WDR17: variants seen among roughly 807,000 people sequenced by gnomAD.
WDR17 encodes WD repeat-containing protein 17.
Under a neutral mutation model 161.7 loss-of-function variants are expected in WDR17, and 143 were observed. The observed-to-expected ratio is 0.88, with a 90% CI of 0.77 to 1.02. WDR17 has a LOEUF of 1.02. WDR17 is among the 50% of genes least tolerant of loss of function. The probability of loss-of-function intolerance (pLI) is 0.00; values close to 1 mark genes in which losing one functional copy is unlikely to be tolerated. For synonymous variants in WDR17, 517 were observed against 515.6 expected, an observed-to-expected ratio of 1.00 and a Z score of -0.04; for missense variants, 1,469 against 1,520.9, an observed-to-expected ratio of 0.97 and a Z score of 0.57.
intron 2 of WDR17, among the ~76,000 whole-genome samples, chr4:176,112,580 C>T (rs1480024705): frequency 6.6e-6 from 1 of 152,184 alleles, no homozygotes; most frequent in East Asian, 1.9e-4. Flanking sequence ...TTTGCTTACA[C>T]TAATTTTTCA....
At chr4:176,168,549 C>A in intron 22 of WDR17, 123 bp from the exon 23 acceptor site, 2 of 1,137,826 alleles carry the variant, frequency 1.8e-6, no homozygotes, top group Non-Finnish European at 2.5e-6. Flanking sequence ...GCTATTAATA[C>A]TGTTTGTGTA....
intron 4 of WDR17, among the ~76,000 whole-genome samples, 191 bp downstream of exon 4, chr4:176,120,288 T>TA: frequency 7.3e-6 from 1 of 136,534 alleles, no homozygotes; most frequent in East Asian, 2.1e-4. Flanking sequence ...ATTTGAAGTT[T>TA]TATATATATA....
chr4:176,088,580 A>G (rs1312866546), intron 1 of WDR17, among the ~76,000 whole-genome samples: 1 of 152,220 alleles, frequency 6.6e-6, no homozygotes, highest in East Asian at 1.9e-4. Context: ...GCCTTTCAGA[A>G]CATGATAGTG....
chr4:176,100,878 A>G (rs1737713300), intron 1 of WDR17, among the ~76,000 whole-genome samples: 2 of 152,246 alleles, frequency 1.3e-5, no homozygotes, highest in South Asian at 4.1e-4. Flanking sequence ...TGGCCTTGTT[A>G]AAGATCAATT....
intron 3 of WDR17, 140 bp from the exon 4 acceptor site, chr4:176,119,727 A>G (rs9993621): frequency 0.014 from 10,652 of 778,264 alleles, 484 homozygotes; most frequent in African/African-American, 0.13. Flanking sequence ...GGATTTCTTT[A>G]TAAATCCAAT....
chr4:176,158,912 A>G (rs1293062063), intron 18 of WDR17, among the ~76,000 whole-genome samples: 3 of 152,202 alleles, frequency 2.0e-5, no homozygotes, highest in Non-Finnish European at 4.4e-5. Flanking sequence ...TCAAATGCCC[A>G]GGGAAGTAGA....
At chr4:176,157,292 G>A (rs1389430707) in intron 18 of WDR17, among the ~76,000 whole-genome samples, 1 of 151,966 alleles carries the variant, frequency 6.6e-6, no homozygotes, top group Non-Finnish European at 1.5e-5. Context: ...CAGAAATTTG[G>A]ATTTTTCTTT....
intron 12 of WDR17, among the ~76,000 whole-genome samples, chr4:176,146,619 A>G (rs1026010363): frequency 1.3e-5 from 2 of 152,142 alleles, no homozygotes; most frequent in South Asian, 4.1e-4. Context: ...ACCAAAAAAC[A>G]TGCATTGGGA....
intron 1 of WDR17, among the ~76,000 whole-genome samples, chr4:176,075,709 T>C (rs915761156): frequency 9.2e-5 from 14 of 152,064 alleles, no homozygotes; most frequent in Non-Finnish European, 1.6e-4. Flanking sequence ...TGGCAAATTA[T>C]AGAGGAGTGA....
chr4:176,161,003 G>A lies in WDR17; in HGVS notation c.2750+1G>A, dbSNP rs1164442500. On this transcript the variant is annotated splice_donor_variant, in intron 20 of 28. Coordinates refer to ENST00000508596, the MANE Select transcript of WDR17 (RefSeq NM_181265.4). LOFTEE classifies it high-confidence loss of function. ...ATATCTACAAGGAAGACTTTAATGA[G>A]TGAGTGATTTATTTGCTCTGGGTCC... is the stretch of plus-strand genomic sequence containing the variant. The A allele has an allele frequency of 1.2e-6, 2 of 1,604,016 alleles. No individual in the cohort carries two copies. The highest frequency in any genetic ancestry group is 1.7e-6 in the Non-Finnish European group (2 of 1,175,638).
Position 176,065,970 on chromosome 4 carries a change from A to AGGCGGGGAG in WDR17, c.-104_-96dup, listed in dbSNP as rs1327330500. The AGGCGGGGAG allele has an allele frequency of 6.6e-6, 1 of 151,922 alleles. No individual in the cohort carries two copies. The highest frequency in any genetic ancestry group is 6.6e-5 in the Admixed American group (1 of 15,254). 9.4% of individuals were successfully genotyped at this position (151,922 alleles called of 1,614,324 possible). On this transcript the variant is annotated 5_prime_UTR_variant, in exon 1 of 29. Transcript: ENST00000508596. Reference sequence around the variant, plus strand: ...CCGCCCCCGGGCGCCCTGAGCGAGCAGGCGGGGAGGGCGGGGAGGGTCCGC... The same window carrying AGGCGGGGAG: ...CCGCCCCCGGGCGCCCTGAGCGAGCAGGCGGGGAGGGCGGGGAGGGCGGGGAGGGTCCGC...
In WDR17 at chr4:176,111,660, A is replaced by G. The variant is rs771217590; in HGVS notation, c.80A>G (p.Asp27Gly). The G allele has an allele frequency of 6.2e-7, 1 of 1,610,786 alleles. No homozygotes were observed. Among genetic ancestry groups the G allele is most frequent in the Non-Finnish European group, 8.5e-7 (1 of 1,177,926 alleles). The change falls in exon 2 of 29, where the codon GAC becomes GGC. Residue 27 changes from aspartate to glycine, a missense_variant. By Grantham distance (94) the Asp-to-Gly change is moderately conservative. Coordinates refer to ENST00000508596, the MANE Select transcript of WDR17 (RefSeq NM_181265.4). ...AAGGATGTATGTGCTGCCAGTGGAGACAGGTTTGCATATTGTGCGACCCTG... is the reference window on the plus strand; with the variant it reads ...AAGGATGTATGTGCTGCCAGTGGAGGCAGGTTTGCATATTGTGCGACCCTG... Reference protein sequence around the residue: ...WNKDVCAASGDRFAYCATLAI... With the variant: ...WNKDVCAASGGRFAYCATLAI...
At chr4:176,155,831 G>A (rs186591147) in intron 17 of WDR17, among the ~76,000 whole-genome samples, 305 of 150,694 alleles carry the variant, frequency 2.0e-3, no homozygotes, top group African/African-American at 7.1e-3. Context: ...CCAAAGCACT[G>A]GCTTTACAGA....
In WDR17 at chr4:176,152,294, C is replaced by CAAAAAAAAAAAAAAAAAAAA. The variant is rs397837505; in HGVS notation, c.2460+328_2460+347dup. ...TGGGCTACAGAAAGAGACCCTATCT[C>CAAAAAAAAAAAAAAAAAAAA]AAAAAAAAAAAAAAAAAAAAGCCTG... On this transcript the variant is annotated intron_variant, in intron 17 of 28. Coordinates refer to ENST00000508596, the MANE Select transcript of WDR17 (RefSeq NM_181265.4). Among the ~76,000 whole-genome samples the CAAAAAAAAAAAAAAAAAAAA allele has an allele frequency of 1.4e-3, 103 of 72,130 alleles. 2 individuals carry two copies. The highest frequency in any genetic ancestry group is 2.7e-3 in the South Asian group (5 of 1,864). The allele number at this position is 72,130 out of a possible 152,430, so 47.3% of individuals were successfully genotyped here. A position where few individuals can be genotyped will look rare whatever the true frequency, so the allele number is the denominator to read the frequency against.
chr4:176,164,718 A>G (rs940991373), intron 22 of WDR17, among the ~76,000 whole-genome samples: 7 of 152,198 alleles, frequency 4.6e-5, no homozygotes, highest in African/African-American at 1.7e-4. Flanking sequence ...TGAAGGTTTT[A>G]TAGTGAATCA....
intron 4 of WDR17, among the ~76,000 whole-genome samples, chr4:176,124,379 T>G (rs1402192949): frequency 6.6e-6 from 1 of 152,234 alleles, no homozygotes; most frequent in Non-Finnish European, 1.5e-5. Context: ...TTAATTAGTC[T>G]TGTTTTAACT....
intron 22 of WDR17, chr4:176,166,038 G>T: frequency 1.5e-6 from 1 of 684,150 alleles, no homozygotes; most frequent in Non-Finnish European, 2.3e-6. Flanking sequence ...TATAAACAGC[G>T]CTTTTTTTAC....
chr4:176,132,456 T>G (rs1392365369), intron 7 of WDR17, among the ~76,000 whole-genome samples: 1 of 152,068 alleles, frequency 6.6e-6, no homozygotes, highest in African/African-American at 2.4e-5. Context: ...ATTAGACTAA[T>G]CTGGACATTT....
chr4:176,080,504 T>G (rs1222442049), intron 1 of WDR17, among the ~76,000 whole-genome samples: 1 of 152,048 alleles, frequency 6.6e-6, no homozygotes, highest in Non-Finnish European at 1.5e-5. Context: ...AGAAAACACT[T>G]TTCTAAAAGG....
Sources: allele counts gnomAD v4.1 joint callset (sites outside exome capture counted in the v4.1 genomes callset), GRCh38; gene constraint gnomAD v4.1.1; transcripts MANE v1.5; gene names NCBI Gene and HGNC (gene_info 2026-07-23, HGNC 2026-07-21).